The following FMNL2 variants were observed in gnomAD, a reference collection of about 807,000 sequenced individuals.
FMNL2 encodes formin like 2, also known as formin-like protein 2.
Under a neutral mutation model 130.2 loss-of-function variants are expected in FMNL2, and 51 were observed. The ratio of observed to expected loss-of-function variants is 0.39; its 90% CI spans 0.31 to 0.49. FMNL2 has a LOEUF of 0.49. Ranked by LOEUF, FMNL2 falls within the 20% of genes least tolerant of loss-of-function variation. The probability of loss-of-function intolerance (pLI) is 0.85; values close to 1 mark genes in which losing one functional copy is unlikely to be tolerated. For missense variants in FMNL2, 977 were observed against 1,316.2 expected, an observed-to-expected ratio of 0.74 and a Z score of 3.99; for synonymous variants, 465 against 467.1, an observed-to-expected ratio of 1.00 and a Z score of 0.06.
In FMNL2 at chr2:152,369,410, G is replaced by A. The variant is rs981486516; in HGVS notation, c.117+33690G>A. ...TAAAACTTGGGCAAGTGCTTGCTAC[G>A]CAGTTAAATTACAGTCTATTGACCT... On this transcript the variant is annotated intron_variant, in intron 1 of 25. Transcript: ENST00000288670. Among the ~76,000 whole-genome samples the A allele has an allele frequency of 2.6e-5, 4 of 152,234 alleles. No individual in the cohort carries two copies. In the East Asian group the frequency reaches 5.8e-4, roughly 22 times the overall value.
At chr2:152,447,167 A>C (rs2106155299) in intron 1 of FMNL2, among the ~76,000 whole-genome samples, 1 of 152,044 alleles carries the variant, frequency 6.6e-6, no homozygotes, top group African/African-American at 2.4e-5. Flanking sequence ...GTGGTGAGAT[A>C]ATAGCTCACT....
chr2:152,381,310 C>T (rs990492005), intron 1 of FMNL2, among the ~76,000 whole-genome samples: 12 of 152,122 alleles, frequency 7.9e-5, no homozygotes, highest in Admixed American at 7.2e-4. Flanking sequence ...ATATTTCATA[C>T]GTTTCAGCTT....
At chr2:152,607,010 T>G (rs1405584214) in intron 9 of FMNL2, among the ~76,000 whole-genome samples, 96 of 130,250 alleles carry the variant, frequency 7.4e-4, no homozygotes, top group African/African-American at 2.1e-3. Flanking sequence ...TTTTTTGTTT[T>G]TTTTTTTTTT....
At chr2:152,623,741 G>A (rs1040088516) in intron 15 of FMNL2, among the ~76,000 whole-genome samples, 1 of 152,048 alleles carries the variant, frequency 6.6e-6, no homozygotes, top group Admixed American at 6.5e-5. Context: ...GACTGACGAA[G>A]CTGAATGTGT....
At chr2:152,496,803 G>T (rs1461281829) in intron 1 of FMNL2, among the ~76,000 whole-genome samples, 1 of 152,016 alleles carries the variant, frequency 6.6e-6, no homozygotes, top group African/African-American at 2.4e-5. Flanking sequence ...TTTGGCTATT[G>T]TGAGGTCCTT....
intron 1 of FMNL2, among the ~76,000 whole-genome samples, chr2:152,517,225 A>G (rs1300421998): frequency 6.6e-6 from 1 of 152,182 alleles, no homozygotes; most frequent in Non-Finnish European, 1.5e-5. Flanking sequence ...TCATGGAATG[A>G]TGTTTTACAA....
intron 2 of FMNL2, among the ~76,000 whole-genome samples, chr2:152,537,729 A>G (rs1336358019): frequency 2.0e-5 from 3 of 152,242 alleles, no homozygotes; most frequent in South Asian, 2.1e-4. Flanking sequence ...GGACTCAATG[A>G]AGAATAGAAC....
intron 1 of FMNL2, among the ~76,000 whole-genome samples, chr2:152,425,479 G>A (rs559075721): frequency 6.6e-6 from 1 of 152,086 alleles, no homozygotes; most frequent in African/African-American, 2.4e-5. Context: ...ATCTTTTTCT[G>A]ACAATTCTGT....
intron 21 of FMNL2, among the ~76,000 whole-genome samples, chr2:152,632,715 CAT>C (rs1352148423): frequency 1.3e-5 from 2 of 152,178 alleles, no homozygotes; most frequent in Non-Finnish European, 2.9e-5. Context: ...CCCAAAGTCA[CAT>C]GAGTAGAAAG....
intron 2 of FMNL2, among the ~76,000 whole-genome samples, chr2:152,531,949 G>C (rs1693722285): frequency 6.6e-6 from 1 of 152,144 alleles, no homozygotes; most frequent in Admixed American, 6.5e-5. Flanking sequence ...TCAAGCTAGT[G>C]AATTAAGCAA....
In FMNL2 at chr2:152,604,117, T is replaced by C. The variant is rs949634453; in HGVS notation, c.877-3222T>C. On this transcript the variant is annotated intron_variant, in intron 9 of 25. Transcript: ENST00000288670. ...TATGCATGGTATAATGACTATGTCTTTTAGTGATAATGTTTTTCATCTCTG... is the reference window on the plus strand; with the variant it reads ...TATGCATGGTATAATGACTATGTCTCTTAGTGATAATGTTTTTCATCTCTG... Among the ~76,000 whole-genome samples, 6 of 151,000 alleles carry C rather than the reference T, an allele frequency of 4.0e-5. 1 individual carries two copies. The highest frequency in any genetic ancestry group is 5.9e-5 in the Non-Finnish European group (4 of 67,760).
chr2:152,637,674 G>C lies in FMNL2; in HGVS notation c.2946G>C (p.Lys982Asn), dbSNP rs1682738971. Residue 982 changes from lysine to asparagine, a missense_variant and splice_region_variant, in exon 23 of 26, where the codon AAG (lysine) becomes AAC (asparagine). Lys to Asn is a moderately conservative substitution (Grantham distance 94). Coordinates refer to ENST00000288670, the MANE Select transcript of FMNL2 (RefSeq NM_052905.4). ...TTGTCCGGTTTGTGAAAGCATATAA[G>C]GTATATGTTAAGGCCCTCCTTGCCC... is the stretch of plus-strand genomic sequence containing the variant. ...PVFVRFVKAY[K>N]QAEEENELRK... 6.2e-7 allele frequency: 1 copy of C among 1,613,406 alleles called. No homozygotes were observed. Among genetic ancestry groups the C allele is most frequent in the African/African-American group, 1.3e-5 (1 of 74,898 alleles).
chr2:152,367,263 A>G (rs557607861), intron 1 of FMNL2, among the ~76,000 whole-genome samples: 1 of 151,988 alleles, frequency 6.6e-6, no homozygotes, highest in Non-Finnish European at 1.5e-5. Context: ...TGTGGTAAAG[A>G]TGGGGTTTCA....
chr2:152,412,074 C>T (rs982432691), intron 1 of FMNL2, among the ~76,000 whole-genome samples: 1 of 152,146 alleles, frequency 6.6e-6, no homozygotes, highest in Non-Finnish European at 1.5e-5. Flanking sequence ...TAAGCTACTT[C>T]ATCTCCTTGA....
chr2:152,643,774 T>C, intron 25 of FMNL2: 6 of 985,484 alleles, frequency 6.1e-6, no homozygotes, highest in South Asian at 9.4e-5. Flanking sequence ...ATTCATAGAA[T>C]TGTTCACAGA....
intron 15 of FMNL2, among the ~76,000 whole-genome samples, chr2:152,623,080 C>T (rs1338516031): frequency 6.6e-6 from 1 of 152,126 alleles, no homozygotes; most frequent in Admixed American, 6.5e-5. Context: ...AACTTTCTTG[C>T]CTGTGTTCTG....
At chr2:152,339,961 A>T (rs1335039190) in intron 1 of FMNL2, among the ~76,000 whole-genome samples, 1 of 152,128 alleles carries the variant, frequency 6.6e-6, no homozygotes, top group Non-Finnish European at 1.5e-5. Context: ...TGAGAGGATC[A>T]CTTGAGCCCA....
Position 152,628,522 on chromosome 2 carries a change from A to T in FMNL2, c.2389A>T (p.Met797Leu). ...FIGNFAESIQ[M>L]LTPQLHAIIA... ...TGGGAACTTTGCTGAAAGCATTCAG[A>T]TGCTGACTCCTGTGAGTGGACTGAC... The change falls in exon 18 of 26, where the codon ATG (methionine) becomes TTG (leucine). Residue 797 changes from methionine to leucine, a missense_variant. By Grantham distance (15) the Met-to-Leu change is conservative. This residue lies in a region of FMNL2 where 689 missense variants were observed against 995.9 expected (regional missense o/e 0.69). Transcript: ENST00000288670. 6.2e-7 allele frequency: 1 copy of T among 1,613,878 alleles called. No individual in the cohort carries two copies. Among genetic ancestry groups the T allele is most frequent in the South Asian group, 1.1e-5 (1 of 91,082 alleles).
At chr2:152,466,429 G>A (rs2105155206) in intron 1 of FMNL2, among the ~76,000 whole-genome samples, 1 of 152,302 alleles carries the variant, frequency 6.6e-6, no homozygotes, top group South Asian at 2.1e-4. Flanking sequence ...CTTCAAAGAA[G>A]TATCTGGAAT....
Sources: gnomAD v4.1 joint callset for allele counts (sites outside exome capture counted in the v4.1 genomes callset) on GRCh38, gnomAD v4.1.1 for gene constraint, gnomAD v4.1.1 regional missense constraint, MANE v1.5 for transcripts, NCBI Gene and HGNC (gene_info 2026-07-23, HGNC 2026-07-21) for gene names.